Variants in ZNF69 observed in about 807,000 individuals in gnomAD.
ZNF69 encodes zinc finger protein 69.
ZNF69 carries 47 observed loss-of-function variants against 50.9 expected under a neutral mutation model. The observed-to-expected ratio is 0.92, with a 90% CI of 0.73 to 1.18. The LOEUF is 1.18. ZNF69 is among the 50% of genes most tolerant of loss of function. ZNF69 has a pLI of 0.00. For missense variants in ZNF69, 717 were observed against 675.1 expected, an observed-to-expected ratio of 1.06 and a Z score of -0.69; for synonymous variants, 216 against 223.1, an observed-to-expected ratio of 0.97 and a Z score of 0.29.
downstream of ZNF69, among the ~76,000 whole-genome samples, chr19:11,909,004 C>T (rs1400549321): frequency 2.0e-5 from 3 of 152,122 alleles, no homozygotes; most frequent in Non-Finnish European, 2.9e-5. Flanking sequence ...CCACCGATCC[C>T]ACAGAAATAC....
At chr19:11,903,345 C>T (rs983344695) in intron 1 of ZNF69, among the ~76,000 whole-genome samples, 3 of 151,778 alleles carry the variant, frequency 2.0e-5, no homozygotes, top group Non-Finnish European at 4.4e-5. Context: ...GGTAGAACCC[C>T]GGCAGTGAGC....
chr19:11,945,828 T>C, the ZNF69 span, among the ~76,000 whole-genome samples: 1 of 152,048 alleles, frequency 6.6e-6, no homozygotes, highest in African/African-American at 2.4e-5. Flanking sequence ...GCAAGTCCCT[T>C]CCCAGCAAGG....
At chr19:11,912,904 G>A (rs1402061408) in intron 4 of ZNF69, among the ~76,000 whole-genome samples, 1 of 152,172 alleles carries the variant, frequency 6.6e-6, no homozygotes, top group African/African-American at 2.4e-5. Context: ...AAATAATTAA[G>A]AAGCTATAAT....
At chr19:11,930,391 A>G in the ZNF69 span, among the ~76,000 whole-genome samples, 1 of 148,626 alleles carries the variant, frequency 6.7e-6, no homozygotes, top group Non-Finnish European at 1.5e-5. Context: ...TGGAACAAAT[A>G]TATGTGAGTT....
chr19:11,903,824 G>A, intron 2 of ZNF69, 81 bp from the exon 3 acceptor site: 5 of 1,605,092 alleles, frequency 3.1e-6, no homozygotes, highest in Non-Finnish European at 2.6e-6. Flanking sequence ...TATGGCTGCA[G>A]TAAATCATGG....
At chr19:11,897,564 G>T (rs930006556) in intron 1 of ZNF69, among the ~76,000 whole-genome samples, 10 of 147,038 alleles carry the variant, frequency 6.8e-5, no homozygotes, top group African/African-American at 2.0e-4. Flanking sequence ...AACAGAATGA[G>T]ACCCTGTTTG....
At chr19:11,962,943 T>C in the ZNF69 span, among the ~76,000 whole-genome samples, 144 of 151,694 alleles carry the variant, frequency 9.5e-4, no homozygotes, top group African/African-American at 3.0e-3. Context: ...GAGGTCATCC[T>C]GCCTGGTAAA....
downstream of ZNF69, among the ~76,000 whole-genome samples, chr19:11,919,004 T>A (rs1972544563): frequency 6.6e-6 from 1 of 151,930 alleles, no homozygotes; most frequent in South Asian, 2.1e-4. Flanking sequence ...CACGCCATTC[T>A]CCTGCCTCAG....
At chr19:11,933,891 G>T in the ZNF69 span, among the ~76,000 whole-genome samples, 14 of 146,966 alleles carry the variant, frequency 9.5e-5, no homozygotes, top group East Asian at 1.5e-3. Flanking sequence ...TAGAGACAGG[G>T]TCTCAAACAC....
Position 11,906,201 on chromosome 19 carries a change from C to A in ZNF69, c.*103C>A. The A allele has an allele frequency of 6.5e-7, 1 of 1,538,214 alleles. No homozygotes were observed. The highest frequency in any genetic ancestry group is 2.2e-5 in the Admixed American group (1 of 45,294). On this transcript the variant is annotated 3_prime_UTR_variant, in exon 4 of 4. Transcript: ENST00000429654. ...AATGTGGGAAACCCTTCAGGTCTGC[C>A]CAGAACCTTCGAATTCAGTAAAGGA...
chr19:11,904,807 G>A lies in ZNF69; in HGVS notation c.410G>A (p.Gly137Asp). 6.2e-7 allele frequency: 1 copy of A among 1,614,000 alleles called. No individual in the cohort carries two copies. The highest frequency in any genetic ancestry group is 1.1e-5 in the South Asian group (1 of 91,066). The change falls in exon 4 of 4, where the codon GGT becomes GAT. Residue 137 changes from glycine to aspartate, a missense_variant. Gly to Asp is a moderately conservative substitution (Grantham distance 94). Transcript: ENST00000429654. ...TTTGTGTGTGGAGAAGTTGGCCTAG[G>A]TAACTCATCTTTTAATATGAACATC... ...DSFVCGEVGL[G>D]NSSFNMNIRG...
At chr19:11,921,719 T>A in the ZNF69 span, among the ~76,000 whole-genome samples, 1 of 152,136 alleles carries the variant, frequency 6.6e-6, no homozygotes, top group South Asian at 2.1e-4. Context: ...GCCAGGCTAG[T>A]CTTGAACTCC....
rs758668181 is a variant in ZNF69 at position 11,888,002 on chromosome 19, CG to C, written c.63+19del. ...CCAGGAAATGGTGCGTGTCTGGGGC[CG>C]GGTGTCGTGAGACGGGGGAGGGGCT... is the stretch of plus-strand genomic sequence containing the variant. On this transcript the variant is annotated intron_variant, in intron 1 of 3. Transcript: ENST00000429654. 6.2e-7 allele frequency: 1 copy of C among 1,602,978 alleles called. No homozygotes were observed. The highest frequency in any genetic ancestry group is 1.1e-5 in the South Asian group (1 of 90,996).
At chr19:11,960,468 T>G in the ZNF69 span, among the ~76,000 whole-genome samples, 3 of 152,062 alleles carry the variant, frequency 2.0e-5, no homozygotes, top group African/African-American at 7.2e-5. Context: ...TTTTTAAAAG[T>G]TTTTTGTAGA....
the ZNF69 span, among the ~76,000 whole-genome samples, chr19:11,961,964 T>G: frequency 1.4e-5 from 2 of 146,596 alleles, no homozygotes; most frequent in South Asian, 2.1e-4. Context: ...CACACATATA[T>G]ATTGTTTTCT....
At chr19:11,975,189 C>G in the ZNF69 span, among the ~76,000 whole-genome samples, 1 of 151,686 alleles carries the variant, frequency 6.6e-6, no homozygotes, top group African/African-American at 2.4e-5. Context: ...ACCTCCGCCT[C>G]CCGGGTTCAA....
the ZNF69 span, among the ~76,000 whole-genome samples, chr19:11,963,301 C>T: frequency 6.6e-6 from 1 of 152,264 alleles, no homozygotes; most frequent in South Asian, 2.1e-4. Context: ...CACTTCACTG[C>T]TCAGGGTGAT....
the ZNF69 span, chr19:11,949,934 T>G: frequency 6.2e-7 from 1 of 1,611,122 alleles, no homozygotes; most frequent in South Asian, 1.1e-5. Context: ...AACCTTCAGA[T>G]GCATGAAAGG....
chr19:11,926,756 A>T, the ZNF69 span: 1 of 154,262 alleles, frequency 6.5e-6, no homozygotes, highest in South Asian at 2.0e-4. Flanking sequence ...TGAGGAGACA[A>T]ACCAGATAAA....
Sources: gnomAD v4.1 joint callset for allele counts (sites outside exome capture counted in the v4.1 genomes callset) on GRCh38, gnomAD v4.1.1 for gene constraint, MANE v1.5 for transcripts, NCBI Gene and HGNC (gene_info 2026-07-23, HGNC 2026-07-21) for gene names.